FUT8: variants seen among roughly 807,000 people sequenced by gnomAD.
FUT8 encodes the protein alpha-(1,6)-fucosyltransferase.
A neutral mutation model predicts 71.3 loss-of-function variants in FUT8; 29 were observed. The observed-to-expected ratio is 0.41, with a 90% confidence interval of 0.30 to 0.55. The LOEUF is 0.55. FUT8 is among the 20% of genes least tolerant of loss of function. The probability of loss-of-function intolerance (pLI) is 0.34; values close to 1 mark genes in which losing one functional copy is unlikely to be tolerated. For missense variants in FUT8, 544 were observed against 702.1 expected, an observed-to-expected ratio of 0.77 and a Z score of 2.55; for synonymous variants, 254 against 239.3, an observed-to-expected ratio of 1.06 and a Z score of -0.57.
At chr14:65,458,763 T>TTTTCC (rs1267328170) in intron 2 of FUT8, among the ~76,000 whole-genome samples, 1 of 151,942 alleles carries the variant, frequency 6.6e-6, no homozygotes, top group Non-Finnish European at 1.5e-5. Flanking sequence ...TAAAACCTTT[T>TTTTCC]TTTCCTTTCC....
intron 2 of FUT8, among the ~76,000 whole-genome samples, chr14:65,491,813 A>G (rs2066486249): frequency 6.6e-6 from 1 of 152,178 alleles, no homozygotes; most frequent in Non-Finnish European, 1.5e-5. Context: ...GTGAAAAACA[A>G]GTTAATTTTA....
intron 1 of FUT8, among the ~76,000 whole-genome samples, chr14:65,416,869 G>C (rs1218212962): frequency 6.8e-6 from 1 of 146,906 alleles, no homozygotes; most frequent in East Asian, 2.0e-4. Context: ...CTGCAGCCTT[G>C]AACTCCCTGG....
chr14:65,606,342 G>A (rs1019424661), intron 3 of FUT8, among the ~76,000 whole-genome samples: 1 of 151,514 alleles, frequency 6.6e-6, no homozygotes, highest in Non-Finnish European at 1.5e-5. Context: ...CTCCCGAAGT[G>A]CTGGGATTAC....
intron 3 of FUT8, among the ~76,000 whole-genome samples, chr14:65,602,599 G>A (rs2140174671): frequency 6.6e-6 from 1 of 151,788 alleles, no homozygotes; most frequent in East Asian, 1.9e-4. Context: ...TCTCCACACT[G>A]TTTTCCATAG....
chr14:65,498,956 G>C (rs1310620048), intron 2 of FUT8, among the ~76,000 whole-genome samples: 1 of 152,206 alleles, frequency 6.6e-6, no homozygotes, highest in Non-Finnish European at 1.5e-5. Context: ...GGGTTGTAGT[G>C]GTGGTAATGG....
At chr14:65,366,821 T>C in the FUT8 span, among the ~76,000 whole-genome samples, 125,205 of 152,144 alleles carry the variant, frequency 0.82, 52,270 homozygotes, top group East Asian at 1. Flanking sequence ...GTTTAAAATG[T>C]AATACCCTCA....
intron 2 of FUT8, among the ~76,000 whole-genome samples, chr14:65,456,970 A>C (rs2139565080): frequency 6.6e-6 from 1 of 152,326 alleles, no homozygotes; most frequent in South Asian, 2.1e-4. Flanking sequence ...ATGTAATAAA[A>C]TCAGGGTAAT....
rs889856965 is a variant in FUT8 at position 65,574,848 on chromosome 14, T to C, written c.203+13082T>C. ...TTAAAGGGGCAAATAATGAGCAGAT[T>C]CTGTGAAACATATCCTCTGAGGAGG... is the stretch of plus-strand genomic sequence containing the variant. On this transcript the variant is annotated intron_variant, in intron 3 of 10. Coordinates refer to ENST00000673929, the MANE Select transcript of FUT8 (RefSeq NM_001371533.1). The surrounding 1 kb of genome is among the most constrained non-coding windows in gnomAD (Gnocchi z 5.2). Among the ~76,000 whole-genome samples the C allele has an allele frequency of 1.3e-5, 2 of 152,170 alleles. No individual in the cohort carries two copies. Among genetic ancestry groups the C allele is most frequent in the Non-Finnish European group, 2.9e-5 (2 of 68,030 alleles).
At chr14:65,548,004 A>G (rs1885070192) in intron 2 of FUT8, among the ~76,000 whole-genome samples, 1 of 151,894 alleles carries the variant, frequency 6.6e-6, no homozygotes, top group Non-Finnish European at 1.5e-5. Context: ...ATCTATGGCA[A>G]TTTCTCAGTT....
intron 2 of FUT8, among the ~76,000 whole-genome samples, chr14:65,551,817 C>G (rs956755139): frequency 6.6e-6 from 1 of 152,126 alleles, no homozygotes; most frequent in Non-Finnish European, 1.5e-5. Flanking sequence ...AATGACAACA[C>G]AGTTATCGTA....
Position 65,571,751 on chromosome 14 carries a change from A to G in FUT8, c.203+9985A>G, listed in dbSNP as rs369705805. Among the ~76,000 whole-genome samples the G allele has an allele frequency of 2.0e-5, 3 of 152,108 alleles. No individual in the cohort carries two copies. The East Asian group carries it at 5.8e-4, about 29-fold the overall frequency. ...ACACCCAAGACTTGAATATATATAT[A>G]TATTTACATGGAAGTAAAGTTTACA... On this transcript the variant is annotated intron_variant, in intron 3 of 10. Coordinates refer to ENST00000673929, the MANE Select transcript of FUT8 (RefSeq NM_001371533.1).
intron 2 of FUT8, among the ~76,000 whole-genome samples, chr14:65,538,606 G>A (rs1026669458): frequency 2.0e-5 from 3 of 151,976 alleles, no homozygotes; most frequent in Non-Finnish European, 2.9e-5. Flanking sequence ...CCTGGAAGTC[G>A]CTACTGATAT....
intron 3 of FUT8, among the ~76,000 whole-genome samples, chr14:65,563,184 A>G (rs1173313802): frequency 3.3e-5 from 5 of 151,988 alleles, no homozygotes; most frequent in Non-Finnish European, 7.4e-5. Flanking sequence ...TACTCAGGGA[A>G]CATCATGGAG....
chr14:65,695,199 A>C (rs912057461), intron 7 of FUT8, among the ~76,000 whole-genome samples: 3 of 152,196 alleles, frequency 2.0e-5, no homozygotes, highest in African/African-American at 7.2e-5. Flanking sequence ...GCTCAGTTCA[A>C]CTGTGTCTTT....
At chr14:65,411,153 A>C (rs1454105567), upstream of FUT8, 1 of 152,256 alleles carries the variant, frequency 6.6e-6, no homozygotes, top group African/African-American at 2.4e-5. Flanking sequence ...GGGAGAGAGC[A>C]TCCATGCATT....
chr14:65,372,796 G>C, the FUT8 span, among the ~76,000 whole-genome samples: 67,750 of 152,002 alleles, frequency 0.45, 17,591 homozygotes, highest in Non-Finnish European at 0.59. Context: ...CTTTCAGTTT[G>C]TTTAGCCTCT....
At chr14:65,575,636 T>C (rs76553027) in intron 3 of FUT8, among the ~76,000 whole-genome samples, 49 of 141,652 alleles carry the variant, frequency 3.5e-4, no homozygotes, top group African/African-American at 6.5e-4. Context: ...TTTTTTTTTT[T>C]CCCCCACACT....
chr14:65,445,714 T>C (rs1158973428), intron 1 of FUT8, among the ~76,000 whole-genome samples: 1 of 152,274 alleles, frequency 6.6e-6, no homozygotes, highest in East Asian at 1.9e-4. Context: ...ATAAATACTG[T>C]CTAATGTTTT....
At chr14:65,700,379 C>CTTTTTTT (rs1250930619) in intron 7 of FUT8, among the ~76,000 whole-genome samples, 1 of 74,936 alleles carries the variant, frequency 1.3e-5, no homozygotes, top group Non-Finnish European at 2.8e-5. Flanking sequence ...TTCTTTCTTT[C>CTTTTTTT]TGTTTTTTTT....
Sources: gnomAD v4.1 joint callset for allele counts (sites outside exome capture counted in the v4.1 genomes callset) on GRCh38, gnomAD v4.1.1 for gene constraint, Gnocchi (gnomAD v3.1) non-coding constraint, MANE v1.5 for transcripts, NCBI Gene and HGNC (gene_info 2026-07-23, HGNC 2026-07-21) for gene names.